Variants in DNAH11 observed in about 807,000 individuals in gnomAD.
DNAH11 encodes dynein axonemal heavy chain 11, also known as axonemal beta dynein heavy chain 11.
DNAH11 carries 442 observed loss-of-function variants against 526.0 expected under a neutral mutation model. The observed-to-expected ratio is 0.84, with a 90% CI of 0.78 to 0.91. DNAH11 has a LOEUF of 0.91. Ranked by LOEUF, DNAH11 falls within the 40% of genes least tolerant of loss-of-function variation. The pLI is 0.00. For missense variants in DNAH11, 6,989 were observed against 5,448.7 expected (o/e 1.28, Z -8.90); for synonymous variants, 2,461 against 1,935.9 (o/e 1.27, Z -7.12).
At position 21,619,134 on chromosome 7, in the gene DNAH11, C is replaced by G. The variant is rs768979467; in HGVS notation, c.4289C>G (p.Ala1430Gly). 6.2e-7 allele frequency: 1 copy of G among 1,613,536 alleles called. No homozygotes were observed. Among genetic ancestry groups the G allele is most frequent in the Middle Eastern group, 1.7e-4 (1 of 6,058 alleles). The stretch of plus-strand genomic sequence containing the variant: ...TTAATAAATGAAGCCACAACTTTGG[C>G]AGATTTGTTAGCACTGCGGTTACAC... The part of the protein sequence containing the change: ...KFLINEATTL[A>G]DLLALRLHRV... Residue 1430 changes from alanine (A) to glycine (G), a missense_variant, in exon 24 of 82, where the codon GCA becomes GGA. By Grantham distance (60) the Ala-to-Gly change is moderately conservative. Transcript: ENST00000409508.
chr7:21,543,661 C>T (rs1487455475), intron 1 of DNAH11, 65 bp downstream of exon 1: 10 of 1,501,232 alleles, frequency 6.7e-6, no homozygotes, highest in South Asian at 6.2e-5. Flanking sequence ...ACAGCCCAGT[C>T]GCTCCCCTTT....
chr7:21,878,056 G>T (rs1232906551), intron 74 of DNAH11, among the ~76,000 whole-genome samples: 1 of 152,132 alleles, frequency 6.6e-6, no homozygotes, highest in South Asian at 2.1e-4. Context: ...ATTGGTAATT[G>T]TGTACAAATA....
intron 1 of DNAH11, among the ~76,000 whole-genome samples, chr7:21,544,625 G>A (rs2285949): frequency 0.44 from 67,284 of 151,872 alleles, 15,236 homozygotes; most frequent in Middle Eastern, 0.5. Flanking sequence ...CTTTATCTCA[G>A]TTTGGCTTAT....
chr7:21,855,419 C>A (rs1191048495), intron 68 of DNAH11, among the ~76,000 whole-genome samples: 2 of 152,130 alleles, frequency 1.3e-5, no homozygotes, highest in African/African-American at 2.4e-5. Flanking sequence ...TATTTCTTTG[C>A]TAAAGAAAGA....
At chr7:21,736,642 C>T (rs184918010) in intron 46 of DNAH11, among the ~76,000 whole-genome samples, 4 of 152,212 alleles carry the variant, frequency 2.6e-5, no homozygotes, top group Non-Finnish European at 2.9e-5. Context: ...GTGATTTTTC[C>T]GTCATCTTTT....
chr7:21,878,915 G>T (rs1783809743), intron 74 of DNAH11, among the ~76,000 whole-genome samples: 1 of 152,166 alleles, frequency 6.6e-6, no homozygotes, highest in Admixed American at 6.5e-5. Flanking sequence ...CATTTTAAAG[G>T]ACAAGGCAGG....
At chr7:21,832,257 C>A (rs1254813516) in intron 65 of DNAH11, among the ~76,000 whole-genome samples, 1 of 152,110 alleles carries the variant, frequency 6.6e-6, no homozygotes, top group African/African-American at 2.4e-5. Flanking sequence ...TTAGTTGATG[C>A]AGTTTCTTCA....
At chr7:21,716,555 C>T (rs912561648) in intron 42 of DNAH11, among the ~76,000 whole-genome samples, 23 of 152,184 alleles carry the variant, frequency 1.5e-4, no homozygotes, top group Non-Finnish European at 2.5e-4. Flanking sequence ...ACTTTCCTTT[C>T]CCTGAGCAAT....
chr7:21,862,410 C>A (rs1010161384), intron 69 of DNAH11, among the ~76,000 whole-genome samples: 4 of 151,976 alleles, frequency 2.6e-5, no homozygotes, highest in African/African-American at 4.8e-5. Context: ...GGGCTCCTTA[C>A]AAAACAGCGA....
Position 21,591,188 on chromosome 7 carries a change from A to T in DNAH11, c.2278A>T (p.Ile760Phe), listed in dbSNP as rs768205792. ...FKKRNTILKY[I>F]GNLDLLVQGY... Reference sequence around the variant, plus strand: ...TTTTGGGGTTTTCTTTGCTCAGTACATTGGAAATCTTGACCTTCTTGTGCA... The same window carrying T: ...TTTTGGGGTTTTCTTTGCTCAGTACTTTGGAAATCTTGACCTTCTTGTGCA... Residue 760 changes from isoleucine (I) to phenylalanine (F), a missense_variant, in exon 14 of 82, where the codon ATT becomes TTT. Physicochemically the swap from Ile to Phe is conservative, Grantham distance 21. Coordinates refer to ENST00000409508, the MANE Select transcript of DNAH11 (RefSeq NM_001277115.2). 3.2e-6 allele frequency: 5 copies of T among 1,545,648 alleles called. No individual in the cohort carries two copies. Among genetic ancestry groups the T allele is most frequent in the East Asian group, 2.3e-5 (1 of 44,390 alleles).
intron 45 of DNAH11, among the ~76,000 whole-genome samples, chr7:21,728,078 C>T (rs1785210365): frequency 6.6e-6 from 1 of 151,894 alleles, no homozygotes; most frequent in Non-Finnish European, 1.5e-5. Context: ...GTCCTATTCC[C>T]AAATACAGCC....
At chr7:21,639,334 C>T (rs549525130) in intron 28 of DNAH11, among the ~76,000 whole-genome samples, 4 of 151,638 alleles carry the variant, frequency 2.6e-5, no homozygotes, top group African/African-American at 7.2e-5. Context: ...GAAACACTGT[C>T]GCCAAATCCC....
chr7:21,601,641 C>T (rs1480053383), intron 18 of DNAH11, 23 bp downstream of exon 18: 1 of 1,479,704 alleles, frequency 6.8e-7, no homozygotes, highest in Non-Finnish European at 9.1e-7. Flanking sequence ...GTGAAATAAT[C>T]ATAATTACCA....
chr7:21,890,205 C>T (rs1374186427), intron 76 of DNAH11, among the ~76,000 whole-genome samples: 1 of 152,214 alleles, frequency 6.6e-6, no homozygotes, highest in Admixed American at 6.5e-5. Context: ...AGGCCACCAA[C>T]CCATTAAGTG....
At chr7:21,705,134 A>G (rs1410287971) in intron 38 of DNAH11, among the ~76,000 whole-genome samples, 5 of 150,440 alleles carry the variant, frequency 3.3e-5, no homozygotes, top group African/African-American at 1.3e-4. Context: ...TAGGATATAA[A>G]TCATTAGTTG....
intron 65 of DNAH11, among the ~76,000 whole-genome samples, chr7:21,819,365 C>T: frequency 6.6e-6 from 1 of 152,108 alleles, no homozygotes; most frequent in East Asian, 1.9e-4. Flanking sequence ...CATACAATCA[C>T]TAAGTAAATC....
chr7:21,674,028 T>TTG (rs59263134), intron 30 of DNAH11, among the ~76,000 whole-genome samples: 3,817 of 137,298 alleles, frequency 0.028, 56 homozygotes, highest in East Asian at 0.11. Flanking sequence ...CTGTTTTGTT[T>TTG]TGTGTGTGTG....
intron 25 of DNAH11, among the ~76,000 whole-genome samples, chr7:21,624,034 C>T (rs1471096228): frequency 6.6e-6 from 1 of 151,518 alleles, no homozygotes; most frequent in African/African-American, 2.4e-5. Context: ...CACTAACTCA[C>T]TAATGAGGGC....
intron 47 of DNAH11, 146 bp from the exon 48 acceptor site, chr7:21,739,425 C>G (rs1459447833): frequency 5.0e-6 from 3 of 596,780 alleles, no homozygotes; most frequent in Middle Eastern, 4.5e-4. Flanking sequence ...TTTGATGTCT[C>G]TCAAATAAGG....
Sources: gnomAD v4.1 joint callset for allele counts (sites outside exome capture counted in the v4.1 genomes callset) on GRCh38, gnomAD v4.1.1 for gene constraint, MANE v1.5 for transcripts, NCBI Gene and HGNC (gene_info 2026-07-23, HGNC 2026-07-21) for gene names.